The following CREB5 variants were observed in gnomAD, a reference collection of about 807,000 sequenced individuals.
CREB5 encodes the protein cyclic AMP-responsive element-binding protein 5.
CREB5 carries 19 observed loss-of-function variants against 57.1 expected under a neutral mutation model. That is an observed-to-expected ratio of 0.33 (90% CI 0.23 to 0.49). CREB5 has a LOEUF of 0.49. CREB5 is among the 20% of genes least tolerant of loss of function. The pLI, the probability that CREB5 is intolerant of heterozygous loss-of-function variation, is 0.99. For missense variants in CREB5, 579 were observed against 671.6 expected (o/e 0.86, Z 1.52); for synonymous variants, 238 against 238.3 (o/e 1.00, Z 0.01).
chr7:28,613,989 C>T (rs1002469870), intron 5 of CREB5, among the ~76,000 whole-genome samples: 5 of 152,142 alleles, frequency 3.3e-5, no homozygotes, highest in African/African-American at 9.7e-5. Flanking sequence ...CATAGGGTCT[C>T]ACTCTGTCAC....
chr7:28,792,340 TGGAA>T (rs1204953348), intron 7 of CREB5, among the ~76,000 whole-genome samples: 1 of 145,536 alleles, frequency 6.9e-6, no homozygotes, highest in African/African-American at 2.5e-5. Context: ...TCATATCACA[TGGAA>T]AAAAAAAAAG....
intron 1 of CREB5, among the ~76,000 whole-genome samples, chr7:28,314,718 G>A (rs1005260175): frequency 6.6e-6 from 1 of 152,174 alleles, no homozygotes; most frequent in Admixed American, 6.5e-5. Flanking sequence ...TCCTGAAGGG[G>A]AATCTTGCTC....
At chr7:28,398,376 G>T (rs1292983753) in intron 1 of CREB5, among the ~76,000 whole-genome samples, 2 of 152,148 alleles carry the variant, frequency 1.3e-5, no homozygotes, top group Admixed American at 1.3e-4. Flanking sequence ...CCTTAGCACT[G>T]CTAACTTAGC....
At chr7:28,818,686 G>C (rs577901986) in intron 10 of CREB5, 88 of 450,882 alleles carry the variant, frequency 2.0e-4, no homozygotes, top group Admixed American at 1.2e-3. Flanking sequence ...TTGGTTAAAT[G>C]ATAGTTGAGT....
At position 28,471,801 on chromosome 7, in the gene CREB5, G is replaced by A. The variant is rs920678147; in HGVS notation, c.4-16374G>A. On this transcript the variant is annotated intron_variant, in intron 1 of 10. Coordinates refer to ENST00000357727, the MANE Select transcript of CREB5 (RefSeq NM_182898.4). ...TTACATTGAGTTTTTAATTTATCTT[G>A]AACAGAGCCAATCAATGTTCATAAT... Among the ~76,000 whole-genome samples, 23 of 151,274 alleles carry A rather than the reference G, an allele frequency of 1.5e-4. 1 individual carries two copies. Among genetic ancestry groups the A allele is most frequent in the South Asian group, 1.3e-3 (6 of 4,774 alleles).
intron 7 of CREB5, among the ~76,000 whole-genome samples, chr7:28,797,756 T>C (rs1254922897): frequency 6.6e-6 from 1 of 152,196 alleles, no homozygotes; most frequent in Non-Finnish European, 1.5e-5. Flanking sequence ...TTAAATTCAG[T>C]GGATAAGTAT....
At chr7:28,810,404 G>A (rs1229384776) in intron 9 of CREB5, among the ~76,000 whole-genome samples, 7 of 152,068 alleles carry the variant, frequency 4.6e-5, no homozygotes, top group Admixed American at 2.6e-4. Flanking sequence ...CATGGGGTCC[G>A]GGCGCAGTGG....
chr7:28,410,534 G>A (rs182892228), upstream of CREB5: 427 of 456,600 alleles, frequency 9.4e-4, 5 homozygotes, highest in Middle Eastern at 4.6e-3. Flanking sequence ...ATTTTTAAGG[G>A]GCGTCTGGTA....
chr7:28,609,004 T>C (rs1179698865), intron 5 of CREB5: 7 of 152,200 alleles, frequency 4.6e-5, no homozygotes, highest in Non-Finnish European at 8.8e-5. Flanking sequence ...GGTATATCTG[T>C]AGTTGTAATA....
At chr7:28,548,252 T>G (rs747243340) in intron 4 of CREB5, among the ~76,000 whole-genome samples, 52 of 152,172 alleles carry the variant, frequency 3.4e-4, no homozygotes, top group Non-Finnish European at 5.4e-4. Flanking sequence ...CTCCATCTCC[T>G]CTATCACTTT....
chr7:28,547,250 A>T (rs184014440), intron 4 of CREB5, among the ~76,000 whole-genome samples: 128 of 152,340 alleles, frequency 8.4e-4, no homozygotes, highest in Non-Finnish European at 1.7e-3. Context: ...GACCATAGAA[A>T]TTTACACTAA....
chr7:28,762,180 C>A (rs920601699), intron 7 of CREB5, among the ~76,000 whole-genome samples: 10 of 152,292 alleles, frequency 6.6e-5, no homozygotes, highest in African/African-American at 2.2e-4. Context: ...CCACATCTGG[C>A]ATAAACTATT....
intron 1 of CREB5, among the ~76,000 whole-genome samples, chr7:28,357,707 A>T (rs1786375261): frequency 1.3e-5 from 2 of 152,208 alleles, no homozygotes; most frequent in Non-Finnish European, 2.9e-5. Flanking sequence ...GAGTATATGC[A>T]TTGGAGTTCT....
Position 28,560,893 on chromosome 7 carries a change from T to TGTGCGCGC in CREB5, c.292-9467_292-9466insCGCGTGCG, listed in dbSNP as rs1795151573. The stretch of plus-strand genomic sequence containing the variant: ...GCGTGCGCGTGCGTGCGTGCGTGTG[T>TGTGCGCGC]GTGCGTGCGCGCGTGCGTGTGCGTG... On this transcript the variant is annotated intron_variant, in intron 4 of 10. Coordinates refer to ENST00000357727, the MANE Select transcript of CREB5 (RefSeq NM_182898.4). 7.8e-4 allele frequency among the ~76,000 whole-genome samples: 16 copies of TGTGCGCGC among 20,474 alleles called. 2 individuals are homozygous for TGTGCGCGC. In the East Asian group the frequency reaches 0.01, roughly 13 times the overall value. The allele number at this position is 20,474 out of a possible 152,430, so 13.4% of individuals were successfully genotyped here.
intron 1 of CREB5, among the ~76,000 whole-genome samples, chr7:28,460,232 CA>C: frequency 1.3e-5 from 2 of 151,946 alleles, no homozygotes; most frequent in East Asian, 3.9e-4. Context: ...TAAAAGGTTG[CA>C]GGGGGAGCAG....
At chr7:28,736,859 G>T (rs1333164064) in intron 7 of CREB5, among the ~76,000 whole-genome samples, 5 of 130,982 alleles carry the variant, frequency 3.8e-5, no homozygotes, top group African/African-American at 8.5e-5. Context: ...GGCCCCTGAT[G>T]TTCCTCTGTG....
chr7:28,649,889 G>C (rs945484895), intron 5 of CREB5, among the ~76,000 whole-genome samples: 2 of 152,114 alleles, frequency 1.3e-5, no homozygotes, highest in Non-Finnish European at 2.9e-5. Context: ...GAGCTAAATA[G>C]TCAGTTGATT....
chr7:28,497,397 G>T (rs1298200978), intron 3 of CREB5, among the ~76,000 whole-genome samples: 2 of 152,220 alleles, frequency 1.3e-5, no homozygotes, highest in East Asian at 1.9e-4. Flanking sequence ...GCAGTGCCAG[G>T]TGGAATATTA....
At chr7:28,771,537 A>T (rs1806323728) in intron 7 of CREB5, among the ~76,000 whole-genome samples, 1 of 152,044 alleles carries the variant, frequency 6.6e-6, no homozygotes, top group Non-Finnish European at 1.5e-5. Flanking sequence ...TTGCATGAAC[A>T]CATGAGATGG....
Sources: gnomAD v4.1 joint callset for allele counts (sites outside exome capture counted in the v4.1 genomes callset) on GRCh38, gnomAD v4.1.1 for gene constraint, MANE v1.5 for transcripts, NCBI Gene and HGNC (gene_info 2026-07-23, HGNC 2026-07-21) for gene names.